Variants in USP8 observed in about 807,000 individuals in gnomAD.
USP8 encodes the protein ubiquitin carboxyl-terminal hydrolase 8.
USP8 carries 27 observed loss-of-function variants against 130.0 expected under a neutral mutation model. That is an observed-to-expected ratio of 0.21 (90% CI 0.15 to 0.29). The LOEUF (loss-of-function observed/expected upper bound fraction) is 0.29. Among genes scored for constraint, USP8 ranks in the 10% least tolerant of loss-of-function variants. The pLI is 1.00. For synonymous variants in USP8, 392 were observed against 444.1 expected (o/e 0.88, Z 1.48); for missense variants, 1,029 against 1,312.2 (o/e 0.78, Z 3.33).
intron 12 of USP8, among the ~76,000 whole-genome samples, chr15:50,487,730 GAC>G (rs2052015091): frequency 6.6e-6 from 1 of 152,206 alleles, no homozygotes; most frequent in Admixed American, 6.5e-5. Context: ...AAATGCCACA[GAC>G]AACTAAGTAT....
intron 16 of USP8, among the ~76,000 whole-genome samples, chr15:50,495,212 A>T (rs28648524): frequency 0.22 from 32,460 of 146,464 alleles, 3,860 homozygotes; most frequent in East Asian, 0.46. Context: ...ATACACACAC[A>T]CCTACACAAA....
intron 4 of USP8, among the ~76,000 whole-genome samples, chr15:50,455,061 T>C (rs1051087693): frequency 1.4e-5 from 2 of 144,064 alleles, no homozygotes; most frequent in African/African-American, 5.0e-5. Context: ...TTTTCAGTTA[T>C]ATGTTTCAAT....
At chr15:50,475,243 T>C (rs2051523643) in intron 8 of USP8, among the ~76,000 whole-genome samples, 1 of 152,084 alleles carries the variant, frequency 6.6e-6, no homozygotes, top group Admixed American at 6.6e-5. Flanking sequence ...CTAAAAAAAT[T>C]GCAAATAACT....
chr15:50,432,948 T>G (rs1160245155), intron 1 of USP8, among the ~76,000 whole-genome samples: 1 of 152,128 alleles, frequency 6.6e-6, no homozygotes, highest in African/African-American at 2.4e-5. Flanking sequence ...TACTTTAAAA[T>G]GTTATTTCAT....
rs746847194 is a variant in USP8, at chr15:50,476,955, C to T, written c.956C>T (p.Pro319Leu). The change falls in exon 9 of 20, where the codon CCA (proline) becomes CTA (leucine). Residue 319 changes from proline (P) to leucine (L), a missense_variant. Pro to Leu is a moderately conservative substitution (Grantham distance 98, BLOSUM62 -3). This residue lies in a region of USP8 where 486 missense variants were observed against 522.0 expected (regional missense o/e 0.93). Transcript: ENST00000307179. ...TATACAACAAATGCTAAGGTCACTCCACCCCCACGACGCCAGAATGAAGAG... is the reference window on the plus strand; with the variant it reads ...TATACAACAAATGCTAAGGTCACTCTACCCCCACGACGCCAGAATGAAGAG... ...PQYTTNAKVT[P>L]PPRRQNEEVS... 1.2e-6 allele frequency: 2 copies of T among 1,608,066 alleles called. No homozygotes were observed. Among genetic ancestry groups the T allele is most frequent in the Middle Eastern group, 1.7e-4 (1 of 6,036 alleles).
intron 15 of USP8, chr15:50,493,701 T>C: frequency 2.7e-6 from 1 of 373,206 alleles, no homozygotes; most frequent in South Asian, 2.0e-5. Context: ...GCCGTGATTG[T>C]GCCGCTATAC....
Position 50,471,782 on chromosome 15 carries a change from A to C in USP8, c.836A>C (p.Asp279Ala). The C allele has an allele frequency of 6.2e-7, 1 of 1,613,772 alleles. No homozygotes were observed. Among genetic ancestry groups the C allele is most frequent in the Non-Finnish European group, 8.5e-7 (1 of 1,179,922 alleles). ...QIGTTLRSLK[D>A]ALFKWESKTV... is the part of the protein sequence containing the mutation. ...GGAACAACTCTCCGGAGTCTGAAAG[A>C]TGCACTTTTCAAGGTTTGCAAGTTT... The change falls in exon 8 of 20, where the codon GAT becomes GCT. Residue 279 changes from aspartate (D) to alanine (A), a missense_variant. Physicochemically the swap from Asp to Ala is moderately radical, Grantham distance 126. Transcript: ENST00000307179.
chr15:50,498,845 G>GTATT, intron 19 of USP8, 58 bp from the exon 20 acceptor site: 1 of 1,551,658 alleles, frequency 6.4e-7, no homozygotes, highest in East Asian at 2.3e-5. Flanking sequence ...AACTATTGGC[G>GTATT]TATTTTAAAT....
chr15:50,445,562 A>AAAAAAAAAAAAAAAAAAAAAAAC (rs2050404801), intron 3 of USP8, among the ~76,000 whole-genome samples: 1 of 110,230 alleles, frequency 9.1e-6, no homozygotes, highest in Non-Finnish European at 1.9e-5. Context: ...AAAAAAAAAA[A>AAAAAAAAAAAAAAAAAAAAAAAC]AAAAAAAGCC....
chr15:50,489,545 A>G (rs1005226427), intron 12 of USP8: 1 of 173,842 alleles, frequency 5.8e-6, no homozygotes, highest in Non-Finnish European at 1.2e-5. Context: ...AAGGCCATCT[A>G]CCTCCACCTT....
rs980216979 is a variant in USP8 at position 50,500,051 on chromosome 15, G to GACTC, written c.*965_*968dup. 9 of 151,828 alleles carry GACTC rather than the reference G, an allele frequency of 5.9e-5. No homozygotes were observed. The highest frequency in any genetic ancestry group is 1.9e-4 in the African/African-American group (8 of 41,216). The allele number at this position is 151,828 out of a possible 1,614,324, so 9.4% of individuals were successfully genotyped here. ...GAGCTTATAATTTATTTAACCGAGG[G>GACTC]ACTCAGTTGCTATATATATAGTCAG... is the stretch of plus-strand genomic sequence containing the variant. On this transcript the variant is annotated 3_prime_UTR_variant, in exon 20 of 20. Transcript: ENST00000307179.
At chr15:50,459,443 A>G (rs1157470279) in intron 5 of USP8, among the ~76,000 whole-genome samples, 1 of 152,004 alleles carries the variant, frequency 6.6e-6, no homozygotes, top group Non-Finnish European at 1.5e-5. Flanking sequence ...AGTTAGCTGG[A>G]TGTGGTGGTG....
chr15:50,477,161 T>C (rs1305324086), intron 9 of USP8, 115 bp from the exon 10 acceptor site: 1 of 1,317,520 alleles, frequency 7.6e-7, no homozygotes, highest in African/African-American at 1.5e-5. Context: ...AAGACTGTTG[T>C]AATTGTTTTT....
At chr15:50,482,161 C>A in intron 11 of USP8, 96 bp downstream of exon 11, 1 of 1,185,206 alleles carries the variant, frequency 8.4e-7, no homozygotes, top group Admixed American at 2.9e-5. Context: ...GCAGGCATTT[C>A]AAATAGTCTT....
intron 7 of USP8, among the ~76,000 whole-genome samples, chr15:50,470,597 T>C (rs2141291015): frequency 6.7e-6 from 1 of 149,082 alleles, no homozygotes. Context: ...TTGTGAGGAC[T>C]TTAGCTTTTT....
rs1290255704 is a variant in USP8, at chr15:50,511,010, C to T, written c.*11922C>T. On this transcript the variant is annotated 3_prime_UTR_variant, in exon 20 of 20. Transcript: ENST00000307179. ...AGCCAGGATGGTCTCGATCTCCTGA[C>T]CTCGTGATCCGCCTGCCTTGGCCTC... 2 of 152,208 alleles carry T rather than the reference C, an allele frequency of 1.3e-5. No individual in the cohort carries two copies. Among genetic ancestry groups the T allele is most frequent in the African/African-American group, 2.4e-5 (1 of 41,440 alleles). The allele number at this position is 152,208 out of a possible 1,614,324, so 9.4% of individuals were successfully genotyped here.
intron 4 of USP8, 64 bp from the exon 5 acceptor site, chr15:50,458,936 A>C: frequency 6.3e-7 from 1 of 1,593,228 alleles, no homozygotes; most frequent in African/African-American, 1.4e-5. Context: ...TACAGAACTG[A>C]AACTCCTTTA....
chr15:50,426,121 C>G (rs1486791091), intron 1 of USP8, among the ~76,000 whole-genome samples: 1 of 151,782 alleles, frequency 6.6e-6, no homozygotes, highest in East Asian at 1.9e-4. Flanking sequence ...AACTCCGTCT[C>G]AAAAAATAAA....
At chr15:50,445,551 A>AAAAAAAC (rs2050403288) in intron 3 of USP8, among the ~76,000 whole-genome samples, 1 of 110,110 alleles carries the variant, frequency 9.1e-6, no homozygotes, top group African/African-American at 3.5e-5. Context: ...GTCTCAAAAA[A>AAAAAAAC]AAAAAAAAAA....
Sources: allele counts gnomAD v4.1 joint callset (sites outside exome capture counted in the v4.1 genomes callset), GRCh38; gene constraint gnomAD v4.1.1; regional missense constraint gnomAD v4.1.1; transcripts MANE v1.5; gene names NCBI Gene and HGNC (gene_info 2026-07-23, HGNC 2026-07-21).